The following SGCZ variants were observed in gnomAD, a reference collection of about 807,000 sequenced individuals.
SGCZ encodes the protein zeta-sarcoglycan.
SGCZ carries 40 observed loss-of-function variants against 41.3 expected under a neutral mutation model. The observed-to-expected ratio is 0.97, with a 90% CI of 0.75 to 1.26. The LOEUF (loss-of-function observed/expected upper bound fraction) is 1.26, where lower values mean the gene tolerates loss of function less well. Among genes scored for constraint, SGCZ ranks in the 50% most tolerant of loss-of-function variants. SGCZ has a pLI of 0.00. For missense variants in SGCZ, 552 were observed against 369.8 expected (o/e 1.49, Z -4.04); for synonymous variants, 206 against 137.5 (o/e 1.50, Z -3.49).
chr8:14,384,269 T>C (rs28651276), intron 2 of SGCZ, among the ~76,000 whole-genome samples: 9,590 of 152,206 alleles, frequency 0.063, 483 homozygotes, highest in African/African-American at 0.13. Flanking sequence ...TCCAGCTTCA[T>C]CCATGTCCCT....
intron 4 of SGCZ, among the ~76,000 whole-genome samples, chr8:14,207,149 C>CA: frequency 6.6e-6 from 1 of 151,366 alleles, no homozygotes; most frequent in East Asian, 1.9e-4. Flanking sequence ...GTGATGGTGG[C>CA]TATTCTTTTT....
intron 1 of SGCZ, among the ~76,000 whole-genome samples, chr8:14,729,671 T>C (rs1297599305): frequency 6.6e-6 from 1 of 151,988 alleles, no homozygotes; most frequent in Admixed American, 6.6e-5. Context: ...AATCAATCAA[T>C]CAATCAATCT....
At chr8:14,703,821 A>G (rs867042668) in intron 1 of SGCZ, among the ~76,000 whole-genome samples, 1 of 151,984 alleles carries the variant, frequency 6.6e-6, no homozygotes, top group Admixed American at 6.6e-5. Flanking sequence ...AAAACTGAGA[A>G]TGAAAGAGAA....
At chr8:15,089,505 G>C (rs555538920) in intron 1 of SGCZ, among the ~76,000 whole-genome samples, 3 of 151,874 alleles carry the variant, frequency 2.0e-5, no homozygotes, top group African/African-American at 7.3e-5. Context: ...TTACCATACA[G>C]TGATACTCCT....
intron 1 of SGCZ, among the ~76,000 whole-genome samples, chr8:14,777,287 T>A (rs911151343): frequency 6.6e-6 from 1 of 152,188 alleles, no homozygotes; most frequent in South Asian, 2.1e-4. Context: ...CCATAATATA[T>A]AACCATGTTA....
At chr8:14,239,943 C>A (rs12543343) in intron 3 of SGCZ, among the ~76,000 whole-genome samples, 1 of 134,344 alleles carries the variant, frequency 7.4e-6, no homozygotes, top group African/African-American at 2.8e-5. Context: ...AAAAGAATTA[C>A]TGCCTTATTA....
At chr8:14,965,475 T>C (rs1433519394) in intron 1 of SGCZ, among the ~76,000 whole-genome samples, 1 of 152,128 alleles carries the variant, frequency 6.6e-6, no homozygotes, top group East Asian at 1.9e-4. Context: ...CAATTCTTAC[T>C]TTAAAATGTA....
chr8:14,866,528 G>C (rs1459083897), intron 1 of SGCZ, among the ~76,000 whole-genome samples: 1 of 151,910 alleles, frequency 6.6e-6, no homozygotes, highest in Non-Finnish European at 1.5e-5. Flanking sequence ...ATGAGACTTG[G>C]GCTGGGCACA....
intron 1 of SGCZ, among the ~76,000 whole-genome samples, chr8:14,943,660 C>G (rs1395557844): frequency 6.6e-6 from 1 of 152,020 alleles, no homozygotes; most frequent in South Asian, 2.1e-4. Context: ...GTTTGGTGTA[C>G]AAATTATTTC....
chr8:14,793,689 G>C (rs1309335541), intron 1 of SGCZ, among the ~76,000 whole-genome samples: 1 of 152,084 alleles, frequency 6.6e-6, no homozygotes, highest in African/African-American at 2.4e-5. Flanking sequence ...GTAGGCATGG[G>C]TGAAACTGTT....
intron 1 of SGCZ, among the ~76,000 whole-genome samples, chr8:15,108,887 C>T (rs972399893): frequency 7.2e-5 from 11 of 151,992 alleles, no homozygotes; most frequent in African/African-American, 2.4e-4. Flanking sequence ...TTAGTTGTTA[C>T]GCAGTGACAG....
intron 1 of SGCZ, among the ~76,000 whole-genome samples, chr8:14,969,806 C>A (rs577617788): frequency 1.5e-4 from 23 of 151,910 alleles, no homozygotes; most frequent in Non-Finnish European, 3.1e-4. Flanking sequence ...CATAAGTTGG[C>A]GCTACTGCAA....
At chr8:14,478,184 G>A (rs985918080) in intron 2 of SGCZ, among the ~76,000 whole-genome samples, 2 of 152,200 alleles carry the variant, frequency 1.3e-5, no homozygotes, top group African/African-American at 2.4e-5. Flanking sequence ...TAGCAATCAT[G>A]CCCCTTGGCA....
At position 14,847,185 on chromosome 8, in the gene SGCZ, A is replaced by AGAAG. The variant is rs1303419499; in HGVS notation, c.40-292260_40-292259insCTTC. 1.3e-3 allele frequency among the ~76,000 whole-genome samples: 192 copies of AGAAG among 148,510 alleles called. 1 individual carries two copies. Among genetic ancestry groups the AGAAG allele is most frequent in the African/African-American group, 4.8e-3 (187 of 39,048 alleles). On this transcript the variant is annotated intron_variant, in intron 1 of 7. Transcript: ENST00000382080. The stretch of plus-strand genomic sequence containing the variant: ...AAGAAGAAGAAGAAGAAGAAGAAGA[A>AGAAG]GAGAAAAATACCAATTCTACAAAAA...
intron 1 of SGCZ, among the ~76,000 whole-genome samples, chr8:15,095,930 A>G (rs183054240): frequency 1.3e-5 from 2 of 152,292 alleles, no homozygotes; most frequent in East Asian, 1.9e-4. Context: ...GAAGCAGTTT[A>G]CTTTGTCACC....
At chr8:14,116,933 C>A (rs1802541613) in intron 5 of SGCZ, among the ~76,000 whole-genome samples, 1 of 152,066 alleles carries the variant, frequency 6.6e-6, no homozygotes, top group Admixed American at 6.6e-5. Flanking sequence ...AGAGGAATTT[C>A]AAGCAGAGTA....
At chr8:15,210,619 C>T (rs1356708813) in intron 1 of SGCZ, among the ~76,000 whole-genome samples, 1 of 152,158 alleles carries the variant, frequency 6.6e-6, no homozygotes, top group African/African-American at 2.4e-5. Context: ...CCAAGTCTTT[C>T]CATCTTCCTG....
At chr8:15,199,781 A>C (rs957153203) in intron 1 of SGCZ, among the ~76,000 whole-genome samples, 6 of 152,192 alleles carry the variant, frequency 3.9e-5, no homozygotes, top group Non-Finnish European at 5.9e-5. Flanking sequence ...GCCTCAATTA[A>C]AAAATAAATT....
chr8:14,802,924 G>T (rs1801373195), intron 1 of SGCZ, among the ~76,000 whole-genome samples: 1 of 152,164 alleles, frequency 6.6e-6, no homozygotes, highest in African/African-American at 2.4e-5. Context: ...AGCTAAAGCA[G>T]CAGGACCTTA....
Sources: allele counts gnomAD v4.1 joint callset (sites outside exome capture counted in the v4.1 genomes callset), GRCh38; gene constraint gnomAD v4.1.1; transcripts MANE v1.5; gene names NCBI Gene and HGNC (gene_info 2026-07-23, HGNC 2026-07-21).